Variants in LRFN5 observed in about 807,000 individuals in gnomAD.
The protein encoded by LRFN5 is leucine-rich repeat and fibronectin type-III domain-containing protein 5.
A neutral mutation model predicts 45.6 loss-of-function variants in LRFN5; 24 were observed. The observed-to-expected ratio is 0.53, with a 90% CI of 0.38 to 0.74. The LOEUF (loss-of-function observed/expected upper bound fraction) is 0.74. Ranked by LOEUF, LRFN5 falls within the 30% of genes least tolerant of loss-of-function variation. The probability of loss-of-function intolerance (pLI) is 0.00; values close to 1 mark genes in which losing one functional copy is unlikely to be tolerated. For missense variants in LRFN5, 776 were observed against 861.5 expected (o/e 0.90, Z 1.24); for synonymous variants, 340 against 313.8 (o/e 1.08, Z -0.88).
At chr14:41,729,872 A>G (rs1884094586) in intron 1 of LRFN5, among the ~76,000 whole-genome samples, 1 of 151,944 alleles carries the variant, frequency 6.6e-6, no homozygotes, top group South Asian at 2.1e-4. Context: ...TAAAGTATAC[A>G]TGATTATTAG....
intron 2 of LRFN5, among the ~76,000 whole-genome samples, chr14:41,857,846 C>T (rs1889524874): frequency 6.6e-6 from 1 of 152,054 alleles, no homozygotes; most frequent in African/African-American, 2.4e-5. Flanking sequence ...AACATTTATG[C>T]TGAAACTTGA....
intron 1 of LRFN5, among the ~76,000 whole-genome samples, chr14:41,623,421 G>A (rs1254972096): frequency 6.6e-6 from 1 of 151,972 alleles, no homozygotes; most frequent in Non-Finnish European, 1.5e-5. Context: ...ACCTAGTCTC[G>A]GGCAGTTCTT....
At chr14:41,892,317 A>AGT in intron 4 of LRFN5, 2 of 933,304 alleles carry the variant, frequency 2.1e-6, no homozygotes, top group Non-Finnish European at 2.6e-6. Context: ...ATATATAACT[A>AGT]TATATATGTA....
At position 41,887,494 on chromosome 14, in the gene LRFN5, C is replaced by T. The variant is rs370216412; in HGVS notation, c.869C>T (p.Thr290Ile). 47 of 1,614,068 alleles carry T rather than the reference C, an allele frequency of 2.9e-5. No individual in the cohort carries two copies. Among genetic ancestry groups the T allele is most frequent in the Middle Eastern group, 3.3e-4 (2 of 6,084 alleles). The stretch of plus-strand genomic sequence containing the variant: ...TTTTTGTGTGAGCCTCCTCTCATTA[C>T]TCGTCATACACATGAGATGAGAGTC... Reference protein sequence around the residue: ...EEFLCEPPLITRHTHEMRVLE... With the variant: ...EEFLCEPPLIIRHTHEMRVLE... The change falls in exon 3 of 6, where the codon ACT (threonine) becomes ATT (isoleucine). Residue 290 changes from threonine to isoleucine, a missense_variant. This residue lies in a region of LRFN5 where 311 missense variants were observed against 405.1 expected (regional missense o/e 0.77). Coordinates refer to ENST00000298119, the MANE Select transcript of LRFN5 (RefSeq NM_152447.5). The surrounding 1 kb of genome is among the most constrained non-coding windows in gnomAD (Gnocchi z 4.8).
chr14:41,680,974 A>T (rs565605736), intron 1 of LRFN5, among the ~76,000 whole-genome samples: 1 of 152,254 alleles, frequency 6.6e-6, no homozygotes, highest in East Asian at 1.9e-4. Context: ...TGCAACTGAC[A>T]TAATGAAGAA....
At chr14:41,860,387 A>G (rs532584491) in intron 2 of LRFN5, among the ~76,000 whole-genome samples, 24 of 152,144 alleles carry the variant, frequency 1.6e-4, no homozygotes, top group Non-Finnish European at 2.9e-4. Flanking sequence ...TTTGTTTTAG[A>G]TTTATATTCT....
intron 1 of LRFN5, among the ~76,000 whole-genome samples, chr14:41,656,999 T>C (rs1263742500): frequency 6.6e-6 from 1 of 151,894 alleles, no homozygotes; most frequent in Non-Finnish European, 1.5e-5. Context: ...AATCGTTATG[T>C]TTCTTAGTCA....
At chr14:41,895,051 G>A (rs1173555616) in intron 4 of LRFN5, 1 of 984,362 alleles carries the variant, frequency 1.0e-6, no homozygotes, top group African/African-American at 1.7e-5. Context: ...TGTTCAATGT[G>A]AGAACAAACA....
chr14:41,643,051 G>A (rs17112164), intron 1 of LRFN5, among the ~76,000 whole-genome samples: 11,493 of 152,194 alleles, frequency 0.076, 1,129 homozygotes, highest in African/African-American at 0.23. Flanking sequence ...TGAATGCAGT[G>A]TTAAAAATTC....
At chr14:41,678,769 G>A (rs764374102) in intron 1 of LRFN5, among the ~76,000 whole-genome samples, 7 of 152,102 alleles carry the variant, frequency 4.6e-5, no homozygotes, top group Admixed American at 2.6e-4. Context: ...ACACAAGAAA[G>A]CACCTTCTAA....
rs1309870665 is a variant in LRFN5 at position 41,608,343 on chromosome 14, A to C, written c.-416A>C. The C allele has an allele frequency of 6.5e-5, 10 of 152,896 alleles. No homozygotes were observed. The Admixed American group carries it at 6.5e-4, about 10-fold the overall frequency. The allele number at this position is 152,896 out of a possible 1,614,324, so 9.5% of individuals were successfully genotyped here. On this transcript the variant is annotated 5_prime_UTR_variant, in exon 1 of 6. Transcript: ENST00000298119. ...GCCGCGGGTTTCATGGGGCGATTGC[A>C]GCGATTCCCCCACCCAGAGCGACCT...
At chr14:41,678,526 T>A (rs1418276988) in intron 1 of LRFN5, among the ~76,000 whole-genome samples, 2 of 152,140 alleles carry the variant, frequency 1.3e-5, no homozygotes, top group Non-Finnish European at 2.9e-5. Flanking sequence ...TTGAATGATA[T>A]CATTTGCCCA....
intron 1 of LRFN5, among the ~76,000 whole-genome samples, chr14:41,750,981 C>G (rs964060142): frequency 6.6e-6 from 1 of 152,068 alleles, no homozygotes; most frequent in Admixed American, 6.6e-5. Context: ...CAGCCCCCTA[C>G]GTCCCGACAG....
intron 2 of LRFN5, among the ~76,000 whole-genome samples, chr14:41,871,729 C>A (rs1394279388): frequency 6.6e-6 from 1 of 152,144 alleles, no homozygotes; most frequent in Non-Finnish European, 1.5e-5. Flanking sequence ...TTTATTTCAA[C>A]ATCTCTCCCA....
chr14:41,718,919 A>G (rs1190110124), intron 1 of LRFN5, among the ~76,000 whole-genome samples: 1 of 152,148 alleles, frequency 6.6e-6, no homozygotes, highest in Non-Finnish European at 1.5e-5. Flanking sequence ...CTCTTGCAGC[A>G]AATAGGAATG....
chr14:41,870,221 A>C (rs1889971120), intron 2 of LRFN5, among the ~76,000 whole-genome samples: 1 of 152,132 alleles, frequency 6.6e-6, no homozygotes. Flanking sequence ...GAATTATGAC[A>C]GTTTGATTTT....
At position 41,657,758 on chromosome 14, in the gene LRFN5, A is replaced by G. The variant is rs555068224; in HGVS notation, c.-197+49196A>G. The stretch of plus-strand genomic sequence containing the variant: ...CTTATTAAAGGCATGAAATTATTTA[A>G]TAAACCTTCCCAATTCATCTCCTTT... On this transcript the variant is annotated intron_variant, in intron 1 of 5. Coordinates refer to ENST00000298119, the MANE Select transcript of LRFN5 (RefSeq NM_152447.5). Among the ~76,000 whole-genome samples, 259 of 152,116 alleles carry G rather than the reference A, an allele frequency of 1.7e-3. 2 individuals carry two copies. Among genetic ancestry groups the G allele is most frequent in the South Asian group, 5.6e-3 (27 of 4,826 alleles).
intron 1 of LRFN5, among the ~76,000 whole-genome samples, chr14:41,609,624 G>A (rs371748232): frequency 4.6e-5 from 7 of 152,224 alleles, no homozygotes; most frequent in African/African-American, 1.7e-4. Context: ...ACAAGATAAA[G>A]CACTTCCAAA....
Position 41,642,496 on chromosome 14 carries a change from A to G in LRFN5, c.-197+33934A>G, listed in dbSNP as rs574539916. On this transcript the variant is annotated intron_variant, in intron 1 of 5. Transcript: ENST00000298119. The stretch of plus-strand genomic sequence containing the variant: ...TCGAAGAAAGTTGCTTTGCAAATTG[A>G]GGTAATGCATAGGTCAACTTTCCTG... Among the ~76,000 whole-genome samples, 344 of 152,298 alleles carry G rather than the reference A, an allele frequency of 2.3e-3. 1 individual carries two copies. The highest frequency in any genetic ancestry group is 3.6e-3 in the Non-Finnish European group (242 of 68,020).
Sources: allele counts gnomAD v4.1 joint callset (sites outside exome capture counted in the v4.1 genomes callset), GRCh38; gene constraint gnomAD v4.1.1; regional missense constraint gnomAD v4.1.1; non-coding constraint Gnocchi (gnomAD v3.1); transcripts MANE v1.5; gene names NCBI Gene and HGNC (gene_info 2026-07-23, HGNC 2026-07-21).